Variants in PRKG1 observed in about 807,000 individuals in gnomAD.
PRKG1 encodes the protein protein kinase cGMP-dependent 1.
PRKG1 carries 35 observed loss-of-function variants against 88.1 expected under a neutral mutation model. That is an observed-to-expected ratio of 0.40 (90% CI 0.30 to 0.53). The LOEUF (loss-of-function observed/expected upper bound fraction) is 0.53. PRKG1 is among the 20% of genes least tolerant of loss of function. The pLI is 0.59. For missense variants in PRKG1, 540 were observed against 839.8 expected (o/e 0.64, Z 4.41); for synonymous variants, 303 against 292.5 (o/e 1.04, Z -0.37).
chr10:52,270,189 C>T (rs904795229), intron 10 of PRKG1, among the ~76,000 whole-genome samples: 1 of 152,056 alleles, frequency 6.6e-6, no homozygotes, highest in African/African-American at 2.4e-5. Context: ...CTAGGGTCCA[C>T]CACTCAAGCT....
intron 3 of PRKG1, among the ~76,000 whole-genome samples, chr10:51,753,196 T>G (rs1837770618): frequency 6.6e-6 from 1 of 152,156 alleles, no homozygotes; most frequent in South Asian, 2.1e-4. Context: ...ATTGCTTATC[T>G]AATCAATTTT....
At chr10:51,998,729 C>A (rs903308470) in intron 5 of PRKG1, among the ~76,000 whole-genome samples, 1 of 152,078 alleles carries the variant, frequency 6.6e-6, no homozygotes. Flanking sequence ...TAAAATAAAT[C>A]AATTATTTGC....
intron 4 of PRKG1, among the ~76,000 whole-genome samples, chr10:51,846,274 T>C (rs563698647): frequency 1.3e-5 from 2 of 152,266 alleles, no homozygotes; most frequent in Admixed American, 6.5e-5. Context: ...CTGTTTTTGC[T>C]CTACTGATGA....
At chr10:51,816,417 AG>A (rs1337904731) in intron 4 of PRKG1, among the ~76,000 whole-genome samples, 1 of 152,190 alleles carries the variant, frequency 6.6e-6, no homozygotes, top group African/African-American at 2.4e-5. Context: ...GAATAAAAAA[AG>A]TAATGTCAAT....
intron 3 of PRKG1, among the ~76,000 whole-genome samples, chr10:51,616,427 G>C (rs1266428868): frequency 6.6e-6 from 1 of 152,224 alleles, no homozygotes; most frequent in African/African-American, 2.4e-5. Flanking sequence ...GGAGTGAACA[G>C]TGCATGCTTG....
At chr10:51,199,311 A>T (rs1298628114) in intron 2 of PRKG1, among the ~76,000 whole-genome samples, 1 of 152,196 alleles carries the variant, frequency 6.6e-6, no homozygotes, top group Non-Finnish European at 1.5e-5. Context: ...AAATATAACC[A>T]TGTGTTCTTC....
chr10:51,774,535 T>A (rs1205153153), intron 3 of PRKG1, among the ~76,000 whole-genome samples: 1 of 152,030 alleles, frequency 6.6e-6, no homozygotes, highest in Non-Finnish European at 1.5e-5. Context: ...TGTAATGGGT[T>A]TTTTTAAGAG....
intron 5 of PRKG1, among the ~76,000 whole-genome samples, chr10:51,935,365 G>A (rs1842779719): frequency 1.3e-5 from 2 of 152,016 alleles, no homozygotes; most frequent in South Asian, 4.1e-4. Context: ...GGAGATAAGT[G>A]CTCCTTATGA....
chr10:52,013,837 T>G (rs920325842), intron 5 of PRKG1, among the ~76,000 whole-genome samples: 1 of 152,210 alleles, frequency 6.6e-6, no homozygotes, highest in African/African-American at 2.4e-5. Context: ...GTTCTTGATA[T>G]CACTCACTTT....
chr10:51,575,133 G>A (rs1837852275), intron 3 of PRKG1, among the ~76,000 whole-genome samples: 1 of 151,922 alleles, frequency 6.6e-6, no homozygotes, highest in Non-Finnish European at 1.5e-5. Context: ...ATACAGTGAT[G>A]CCTGTGGTAC....
At chr10:51,938,944 G>A (rs918774607) in intron 5 of PRKG1, among the ~76,000 whole-genome samples, 37 of 152,106 alleles carry the variant, frequency 2.4e-4, no homozygotes, top group African/African-American at 8.4e-4. Context: ...TATTTTTGCA[G>A]TGGACACTGA....
At chr10:51,662,505 G>A (rs1840324704) in intron 3 of PRKG1, among the ~76,000 whole-genome samples, 2 of 152,058 alleles carry the variant, frequency 1.3e-5, no homozygotes, top group Admixed American at 1.3e-4. Context: ...TAGAATTGTG[G>A]TTCAAGACTC....
chr10:51,125,672 ACT>A (rs1845377833), intron 1 of PRKG1, among the ~76,000 whole-genome samples: 2 of 147,836 alleles, frequency 1.4e-5, no homozygotes, highest in East Asian at 1.9e-4. Flanking sequence ...ACGGAGTAAA[ACT>A]CTGTCTCAAA....
chr10:51,822,666 T>C (rs1291192574), intron 4 of PRKG1, among the ~76,000 whole-genome samples: 1 of 152,140 alleles, frequency 6.6e-6, no homozygotes, highest in Non-Finnish European at 1.5e-5. Context: ...CTGGAGATAA[T>C]CTAAGCTAGA....
intron 9 of PRKG1, among the ~76,000 whole-genome samples, chr10:52,207,470 AC>A (rs1191963731): frequency 7.2e-5 from 11 of 152,024 alleles, no homozygotes; most frequent in African/African-American, 2.7e-4. Flanking sequence ...AAGTAAGACC[AC>A]CCTGCTTTCT....
At chr10:52,037,722 G>A (rs1465645236) in intron 5 of PRKG1, among the ~76,000 whole-genome samples, 2 of 152,228 alleles carry the variant, frequency 1.3e-5, no homozygotes, top group Admixed American at 1.3e-4. Flanking sequence ...CTGTAAGCCA[G>A]ACCAGGTGTG....
intron 1 of PRKG1, among the ~76,000 whole-genome samples, chr10:51,121,066 T>C (rs1845247894): frequency 6.6e-6 from 1 of 152,168 alleles, no homozygotes; most frequent in African/African-American, 2.4e-5. Flanking sequence ...AAGCCAGCAA[T>C]GCAAGTCTAG....
Position 51,460,814 on chromosome 10 carries a change from A to G in PRKG1, c.479-6909A>G, listed in dbSNP as rs111737197. ...TCTTCAAGGACAGAATTGCTGCAAT[A>G]TAAGTTTCTCATTCCAGACTTTCAT... On this transcript the variant is annotated intron_variant, in intron 2 of 17. Coordinates refer to ENST00000373980, the MANE Select transcript of PRKG1 (RefSeq NM_006258.4). Among the ~76,000 whole-genome samples the G allele has an allele frequency of 3.5e-3, 532 of 152,252 alleles. 1 individual carries two copies. The highest frequency in any genetic ancestry group is 0.012 in the African/African-American group (491 of 41,554).
At chr10:52,022,037 G>T (rs1022750163) in intron 5 of PRKG1, among the ~76,000 whole-genome samples, 15 of 152,148 alleles carry the variant, frequency 9.9e-5, no homozygotes, top group Non-Finnish European at 5.9e-5. Flanking sequence ...CTTTACAATG[G>T]TGTGAAAGCA....
Sources: allele counts gnomAD v4.1 joint callset (sites outside exome capture counted in the v4.1 genomes callset), GRCh38; gene constraint gnomAD v4.1.1; transcripts MANE v1.5; gene names NCBI Gene and HGNC (gene_info 2026-07-23, HGNC 2026-07-21).